The following TBC1D16 variants were observed in gnomAD, a reference collection of about 807,000 sequenced individuals.
The protein encoded by TBC1D16 is CTD-2529O21.1.
A neutral mutation model predicts 74.7 loss-of-function variants in TBC1D16; 58 were observed. That is an observed-to-expected ratio of 0.78 (90% CI 0.63 to 0.97). The LOEUF (loss-of-function observed/expected upper bound fraction) is 0.97. Among genes scored for constraint, TBC1D16 ranks in the 50% least tolerant of loss-of-function variants. The probability of loss-of-function intolerance (pLI) is 0.00; values close to 1 mark genes in which losing one functional copy is unlikely to be tolerated. For synonymous variants in TBC1D16, 493 were observed against 474.7 expected (o/e 1.04, Z -0.50); for missense variants, 1,014 against 1,079.5 (o/e 0.94, Z 0.85).
chr17:79,947,970 C>G, intron 8 of TBC1D16, 139 bp from the exon 9 acceptor site: 1 of 703,978 alleles, frequency 1.4e-6, no homozygotes. Context: ...GCCACCATCT[C>G]AGAGCCCAAG....
In TBC1D16 at chr17:79,944,224, G is replaced by T; in HGVS notation, c.1908+684C>A. ...TGCTGGAGCTGCCGTGGTGGATAGA[G>T]CCAGCTCCTGCAAAAGGGTCCAGCC... is the stretch of plus-strand genomic sequence containing the variant. On this transcript the variant is annotated intron_variant, in intron 10 of 11. Transcript: ENST00000310924. This position sits in a 1 kb window ranked among gnomAD's most constrained non-coding sequence, Gnocchi z 7.7. 7.4e-7 allele frequency: 1 copy of T among 1,350,776 alleles called. No homozygotes were observed. The highest frequency in any genetic ancestry group is 1.0e-6 in the Non-Finnish European group (1 of 984,144). The allele number at this position is 1,350,776 out of a possible 1,614,324, so 83.7% of individuals were successfully genotyped here.
In TBC1D16 at chr17:79,950,892, G is replaced by A. The variant is rs1057128806; in HGVS notation, c.1090-314C>T. On this transcript the variant is annotated intron_variant, in intron 5 of 11. Transcript: ENST00000310924. This position sits in a 1 kb window ranked among gnomAD's most constrained non-coding sequence, Gnocchi z 4.6. ...GGCCTAACTTCCCTCTGCCGGGAGG[G>A]CCTGCAATGAATTACATGTGATTGG... 5 of 1,474,764 alleles carry A rather than the reference G, an allele frequency of 3.4e-6. No individual in the cohort carries two copies. The highest frequency in any genetic ancestry group is 4.5e-6 in the Non-Finnish European group (5 of 1,107,112). 91.4% of individuals were successfully genotyped at this position (1,474,764 alleles called of 1,614,324 possible).
At position 79,986,882 on chromosome 17, in the gene TBC1D16, C is replaced by A. The variant is rs1372954346; in HGVS notation, c.779+23278G>T. Among the ~76,000 whole-genome samples the A allele has an allele frequency of 6.6e-6, 1 of 152,252 alleles. No individual in the cohort carries two copies. The stretch of plus-strand genomic sequence containing the variant: ...GGGAGGGCGTGATGCATGGGAGGAG[C>A]TGGACTGCGGTCAGCCGTCCCCTCG... On this transcript the variant is annotated intron_variant, in intron 3 of 11. Coordinates refer to ENST00000310924, the MANE Select transcript of TBC1D16 (RefSeq NM_019020.4). The surrounding 1 kb of genome is among the most constrained non-coding windows in gnomAD (Gnocchi z 6.0).
At chr17:79,996,903 T>C (rs770525254) in intron 3 of TBC1D16, among the ~76,000 whole-genome samples, 2 of 152,216 alleles carry the variant, frequency 1.3e-5, no homozygotes, top group Non-Finnish European at 2.9e-5. Context: ...CCATGGTTCA[T>C]GTCCATCAGT....
intron 1 of TBC1D16, among the ~76,000 whole-genome samples, chr17:80,021,432 C>G (rs2036278833): frequency 6.7e-6 from 1 of 149,638 alleles, no homozygotes; most frequent in Non-Finnish European, 1.5e-5. Flanking sequence ...TGCACCCCAC[C>G]CTGGGTGACA....
Position 79,942,100 on chromosome 17 carries a change from T to C in TBC1D16, c.2015A>G (p.Asn672Ser). ...CTCCCCGTTCATGTGCATGGCCAGG[T>C]TTCCGAAGTGCAGGAGCATCTGGTC... ...ATDQMLLHFG[N>S]LAMHMNGELV... The change falls in exon 11 of 12, where the codon AAC becomes AGC. Residue 672 changes from asparagine (N) to serine (S), a missense_variant. Physicochemically the swap from Asn to Ser is conservative, Grantham distance 46. Coordinates refer to ENST00000310924, the MANE Select transcript of TBC1D16 (RefSeq NM_019020.4). 3 of 1,612,280 alleles carry C rather than the reference T, an allele frequency of 1.9e-6. No individual in the cohort carries two copies. In the South Asian group the frequency reaches 3.3e-5, roughly 18 times the overall value.
intron 4 of TBC1D16, chr17:79,951,915 C>T (rs868036762): frequency 8.9e-5 from 22 of 247,976 alleles, no homozygotes; most frequent in Admixed American, 3.6e-4. Flanking sequence ...TGGGTCCCAA[C>T]GCTGAGTGCC....
At chr17:79,943,148 G>A (rs537591960) in intron 10 of TBC1D16, among the ~76,000 whole-genome samples, 14 of 152,374 alleles carry the variant, frequency 9.2e-5, no homozygotes, top group African/African-American at 3.1e-4. Flanking sequence ...GGCTACAGGT[G>A]ACTCCCACGC....
intron 1 of TBC1D16, 138 bp from the exon 2 acceptor site, chr17:80,013,747 G>T: frequency 2.0e-6 from 1 of 501,060 alleles, no homozygotes; most frequent in Non-Finnish European, 3.4e-6. Context: ...TCTGTACAGG[G>T]TAGGCCACGT....
At chr17:80,004,106 G>A (rs1196166842) in intron 3 of TBC1D16, among the ~76,000 whole-genome samples, 5 of 152,220 alleles carry the variant, frequency 3.3e-5, no homozygotes, top group Non-Finnish European at 7.3e-5. Context: ...TTATTAATCC[G>A]TATTATGTAA....
chr17:79,943,738 C>T (rs1010215293), intron 10 of TBC1D16: 1 of 962,248 alleles, frequency 1.0e-6, no homozygotes, highest in Admixed American at 4.7e-5. Flanking sequence ...CTGACTAGAT[C>T]TCATTACACT....
chr17:79,956,481 T>C lies in TBC1D16; in HGVS notation c.780-3663A>G, dbSNP rs1336028826. ...GTTGCCCAGGCTGGTCTCAAACTCC[T>C]GAGCTCAAGCGATCTGTCTGCCTTG... On this transcript the variant is annotated intron_variant, in intron 3 of 11. Transcript: ENST00000310924. The surrounding 1 kb of genome is among the most constrained non-coding windows in gnomAD (Gnocchi z 4.0). 2.0e-5 allele frequency among the ~76,000 whole-genome samples: 3 copies of C among 152,098 alleles called. No individual in the cohort carries two copies. In the South Asian group the frequency reaches 6.2e-4, roughly 32 times the overall value.
At chr17:79,959,487 TATC>T (rs1176998705) in intron 3 of TBC1D16, among the ~76,000 whole-genome samples, 1 of 152,178 alleles carries the variant, frequency 6.6e-6, no homozygotes, top group African/African-American at 2.4e-5. Flanking sequence ...CCTACATAGC[TATC>T]ATCAAGAAAG....
chr17:79,939,861 TCTAA>T lies in TBC1D16; in HGVS notation c.*994_*997del, dbSNP rs573013312. The T allele has an allele frequency of 7.3e-5, 11 of 151,556 alleles. No homozygotes were observed. The highest frequency in any genetic ancestry group is 1.2e-4 in the African/African-American group (5 of 41,192). The allele number at this position is 151,556 out of a possible 1,614,324, so 9.4% of individuals were successfully genotyped here. A position where few individuals can be genotyped will look rare whatever the true frequency, so the allele number is the denominator to read the frequency against. On this transcript the variant is annotated 3_prime_UTR_variant, in exon 12 of 12. Coordinates refer to ENST00000310924, the MANE Select transcript of TBC1D16 (RefSeq NM_019020.4). ...CAGGTCCTGAAGGGAAGTGGAAGAGTCTAACTATTTCCAGGTGTCCTTGTCTTGG... is the reference window on the plus strand; with the variant it reads ...CAGGTCCTGAAGGGAAGTGGAAGAGTCTATTTCCAGGTGTCCTTGTCTTGG...
chr17:79,997,356 T>A (rs564680575), intron 3 of TBC1D16, among the ~76,000 whole-genome samples: 1 of 152,124 alleles, frequency 6.6e-6, no homozygotes, highest in Non-Finnish European at 1.5e-5. Context: ...CGGTACTTTT[T>A]TTTTTTTTGC....
rs531211631 is a variant in TBC1D16, at chr17:79,970,635, A to G, written c.780-17817T>C. 8.5e-5 allele frequency among the ~76,000 whole-genome samples: 13 copies of G among 152,172 alleles called. No homozygotes were observed. The East Asian group carries it at 1.5e-3, about 18-fold the overall frequency. ...ATTGTGGTGGGAAGTCAGGCAGCAAACGGTAAACGGGTCATGGGGTGCTCT... is the reference window on the plus strand; with the variant it reads ...ATTGTGGTGGGAAGTCAGGCAGCAAGCGGTAAACGGGTCATGGGGTGCTCT... On this transcript the variant is annotated intron_variant, in intron 3 of 11. Coordinates refer to ENST00000310924, the MANE Select transcript of TBC1D16 (RefSeq NM_019020.4).
At chr17:80,016,010 C>CA (rs60327293) in intron 1 of TBC1D16, among the ~76,000 whole-genome samples, 3,096 of 89,434 alleles carry the variant, frequency 0.035, 72 homozygotes, top group Non-Finnish European at 0.048. Flanking sequence ...GACTCCATCT[C>CA]AAAAAAAAAA....
rs1240409940 is a variant in TBC1D16 at position 79,990,779 on chromosome 17, C to G, written c.779+19381G>C. ...GTCCCCTCCCTCAGCCCCTGGCACC[C>G]CAATCTTTCCCTCTCTGAGCCTGAC... On this transcript the variant is annotated intron_variant, in intron 3 of 11. Transcript: ENST00000310924. This position sits in a 1 kb window ranked among gnomAD's most constrained non-coding sequence, Gnocchi z 4.8. Among the ~76,000 whole-genome samples, 3 of 152,216 alleles carry G rather than the reference C, an allele frequency of 2.0e-5. No individual in the cohort carries two copies. The highest frequency in any genetic ancestry group is 4.4e-5 in the Non-Finnish European group (3 of 68,048).
chr17:80,027,261 G>A (rs2036610600), intron 1 of TBC1D16, among the ~76,000 whole-genome samples: 1 of 152,200 alleles, frequency 6.6e-6, no homozygotes, highest in Admixed American at 6.5e-5. Context: ...CCAGGAGTTT[G>A]AGACCAGCTT....
Sources: allele counts gnomAD v4.1 joint callset (sites outside exome capture counted in the v4.1 genomes callset), GRCh38; gene constraint gnomAD v4.1.1; non-coding constraint Gnocchi (gnomAD v3.1); transcripts MANE v1.5; gene names NCBI Gene and HGNC (gene_info 2026-07-23, HGNC 2026-07-21).